Variants in CAMKMT observed in about 807,000 individuals in gnomAD.
CAMKMT encodes calmodulin-lysine N-methyltransferase, also known as CaM KMT.
In CAMKMT, 53 loss-of-function variants were observed where a neutral mutation model predicts 48.0. That is an observed-to-expected ratio of 1.10 (90% CI 0.89 to 1.39). CAMKMT has a LOEUF of 1.39. Among genes scored for constraint, CAMKMT ranks in the 40% most tolerant of loss-of-function variants. The pLI, the probability that CAMKMT is intolerant of heterozygous loss-of-function variation, is 0.00. For missense variants in CAMKMT, 428 were observed against 402.7 expected (o/e 1.06, Z -0.54); for synonymous variants, 165 against 152.3 (o/e 1.08, Z -0.61).
intron 3 of CAMKMT, among the ~76,000 whole-genome samples, chr2:44,669,632 GT>G (rs930224220): frequency 3.3e-5 from 5 of 149,320 alleles, no homozygotes; most frequent in Admixed American, 1.3e-4. Flanking sequence ...TCTCATTATG[GT>G]TTTTTTTTTC....
chr2:44,755,895 C>G (rs1424566482), intron 9 of CAMKMT, among the ~76,000 whole-genome samples: 1 of 152,140 alleles, frequency 6.6e-6, no homozygotes, highest in Non-Finnish European at 1.5e-5. Flanking sequence ...AACAGGGAGG[C>G]CAAGTCAGAG....
chr2:44,561,628 T>A (rs536138302), intron 3 of CAMKMT, among the ~76,000 whole-genome samples: 2 of 152,308 alleles, frequency 1.3e-5, no homozygotes, highest in East Asian at 3.9e-4. Context: ...CATGTTCTGC[T>A]CCCTTTTCAG....
intron 1 of CAMKMT, among the ~76,000 whole-genome samples, chr2:44,370,697 G>A (rs1424607404): frequency 2.0e-5 from 3 of 152,096 alleles, no homozygotes; most frequent in African/African-American, 7.2e-5. Flanking sequence ...TTTTTGCAAT[G>A]AATGCTTATT....
At chr2:44,384,423 G>A (rs911451629) in intron 2 of CAMKMT, among the ~76,000 whole-genome samples, 1 of 151,508 alleles carries the variant, frequency 6.6e-6, no homozygotes, top group Non-Finnish European at 1.5e-5. Context: ...CCACTCTCTG[G>A]GTTGTCTGTT....
At position 44,766,259 on chromosome 2, in the gene CAMKMT, A is replaced by G. The variant is rs544993589; in HGVS notation, c.763-171A>G. On this transcript the variant is annotated intron_variant, in intron 9 of 10. Transcript: ENST00000378494. Reference sequence around the variant, plus strand: ...TGTGAAATCGATTCTTATATGATATACATCTCTCCTGGAAATTATTCTCAC... The same window carrying G: ...TGTGAAATCGATTCTTATATGATATGCATCTCTCCTGGAAATTATTCTCAC... Among the ~76,000 whole-genome samples, 5 of 152,360 alleles carry G rather than the reference A, an allele frequency of 3.3e-5. No homozygotes were observed. In the South Asian group the frequency reaches 1.0e-3, roughly 32 times the overall value.
chr2:44,381,075 G>T (rs981669372), intron 2 of CAMKMT, among the ~76,000 whole-genome samples: 2 of 152,194 alleles, frequency 1.3e-5, no homozygotes, highest in South Asian at 2.1e-4. Context: ...CAGGAGAATC[G>T]CTTGAACCCG....
intron 3 of CAMKMT, among the ~76,000 whole-genome samples, chr2:44,659,498 G>C (rs1674562955): frequency 1.3e-5 from 2 of 151,478 alleles, no homozygotes; most frequent in Admixed American, 1.3e-4. Flanking sequence ...GGGAGGCTGA[G>C]GTGGGAGGAT....
intron 3 of CAMKMT, among the ~76,000 whole-genome samples, chr2:44,609,182 G>A (rs1342771574): frequency 6.6e-6 from 1 of 152,340 alleles, no homozygotes; most frequent in African/African-American, 2.4e-5. Context: ...AATGGCGATT[G>A]CCAGAGACTG....
chr2:44,670,803 G>T (rs1040635747), intron 3 of CAMKMT, among the ~76,000 whole-genome samples: 1 of 152,170 alleles, frequency 6.6e-6, no homozygotes, highest in Non-Finnish European at 1.5e-5. Flanking sequence ...GCTGATCCAG[G>T]AACCACACTT....
rs564711275 is a variant in CAMKMT, at chr2:44,545,943, AT to A, written c.376+155644del. ...GATGAACAAGCTATAAGATTCTAAT[AT>A]TTTTTGCCTTCTCTTATCAGAGGAA... On this transcript the variant is annotated intron_variant, in intron 3 of 10. Transcript: ENST00000378494. Among the ~76,000 whole-genome samples, 421 of 152,178 alleles carry A rather than the reference AT, an allele frequency of 2.8e-3. 3 individuals are homozygous for A. The highest frequency in any genetic ancestry group is 9.7e-3 in the African/African-American group (401 of 41,514).
intron 4 of CAMKMT, 108 bp downstream of exon 4, chr2:44,704,451 TA>T: frequency 1.3e-6 from 1 of 743,194 alleles, no homozygotes; most frequent in Non-Finnish European, 2.0e-6. Flanking sequence ...GAAAAAAATA[TA>T]AGAAAAGAAA....
At chr2:44,706,776 G>C (rs916162790) in intron 5 of CAMKMT, among the ~76,000 whole-genome samples, 9 of 152,022 alleles carry the variant, frequency 5.9e-5, no homozygotes, top group Admixed American at 4.6e-4. Context: ...TTTTGAATTA[G>C]ATTGGCCATT....
chr2:44,602,002 A>T (rs6742204), intron 3 of CAMKMT, among the ~76,000 whole-genome samples: 89,729 of 151,408 alleles, frequency 0.59, 27,454 homozygotes, highest in Middle Eastern at 0.71. Flanking sequence ...TTTTAAAAAT[A>T]TATTTATTTA....
intron 3 of CAMKMT, among the ~76,000 whole-genome samples, chr2:44,424,177 A>G (rs1038699649): frequency 1.3e-5 from 2 of 151,784 alleles, no homozygotes; most frequent in South Asian, 2.1e-4. Context: ...TACCTTATAT[A>G]TTATCTAATG....
At chr2:44,533,370 CT>C (rs769632852) in intron 3 of CAMKMT, among the ~76,000 whole-genome samples, 2 of 151,748 alleles carry the variant, frequency 1.3e-5, no homozygotes, top group Non-Finnish European at 2.9e-5. Flanking sequence ...TCCTAAGTAG[CT>C]GGGATTACAG....
chr2:44,537,224 A>C (rs530420746), intron 3 of CAMKMT, among the ~76,000 whole-genome samples: 1 of 152,382 alleles, frequency 6.6e-6, no homozygotes, highest in Non-Finnish European at 1.5e-5. Context: ...GAATAAAGGC[A>C]TAACCTTCTG....
At chr2:44,375,598 A>T (rs1016748289) in intron 2 of CAMKMT, among the ~76,000 whole-genome samples, 4 of 152,152 alleles carry the variant, frequency 2.6e-5, no homozygotes, top group Non-Finnish European at 5.9e-5. Context: ...AAAAAACTGG[A>T]TCTGGAAGTA....
chr2:44,763,900 C>G (rs1243482350), intron 9 of CAMKMT, among the ~76,000 whole-genome samples: 2 of 152,172 alleles, frequency 1.3e-5, no homozygotes, highest in African/African-American at 4.8e-5. Flanking sequence ...TAAAAACCGA[C>G]TCTTCAAGTG....
chr2:44,570,754 G>A (rs1668861580), intron 3 of CAMKMT, among the ~76,000 whole-genome samples: 1 of 152,110 alleles, frequency 6.6e-6, no homozygotes, highest in African/African-American at 2.4e-5. Context: ...TAAAAAACAG[G>A]TTATAGGCTA....
Sources: gnomAD v4.1 joint callset for allele counts (sites outside exome capture counted in the v4.1 genomes callset) on GRCh38, gnomAD v4.1.1 for gene constraint, MANE v1.5 for transcripts, NCBI Gene and HGNC (gene_info 2026-07-23, HGNC 2026-07-21) for gene names.